DNAJA3: variants seen among roughly 807,000 people sequenced by gnomAD.
The protein encoded by DNAJA3 is DnaJ heat shock protein family (Hsp40) member A3.
Under a neutral mutation model 54.9 loss-of-function variants are expected in DNAJA3, and 29 were observed. The ratio of observed to expected loss-of-function variants is 0.53; its 90% CI spans 0.39 to 0.72. The LOEUF (loss-of-function observed/expected upper bound fraction) is 0.72. Ranked by LOEUF, DNAJA3 falls within the 30% of genes least tolerant of loss-of-function variation. The pLI is 0.00. For synonymous variants in DNAJA3, 302 were observed against 251.4 expected (o/e 1.20, Z -1.90); for missense variants, 708 against 639.4 (o/e 1.11, Z -1.16).
intron 9 of DNAJA3, chr16:4,450,161 G>T (rs773839641): frequency 4.3e-6 from 2 of 465,404 alleles, no homozygotes; most frequent in Non-Finnish European, 7.6e-6. Context: ...ACTGTATTTA[G>T]CATAGCCACA....
At chr16:4,450,947 C>T (rs151143265) in intron 10 of DNAJA3, among the ~76,000 whole-genome samples, 376 of 152,296 alleles carry the variant, frequency 2.5e-3, no homozygotes, top group African/African-American at 8.8e-3. Flanking sequence ...GCAGCCACAG[C>T]AGTGGAGCCG....
chr16:4,426,523 T>A (rs772952391), intron 1 of DNAJA3, among the ~76,000 whole-genome samples: 117 of 152,108 alleles, frequency 7.7e-4, no homozygotes, highest in African/African-American at 2.7e-3. Flanking sequence ...GAAACTGAGA[T>A]TCAACGGAGG....
chr16:4,427,387 G>C (rs1567320609), intron 1 of DNAJA3: 15 of 152,138 alleles, frequency 9.9e-5, no homozygotes, highest in Admixed American at 9.8e-4. Flanking sequence ...CTAACTTCCT[G>C]TTGCAATCCA....
intron 1 of DNAJA3, among the ~76,000 whole-genome samples, chr16:4,429,572 C>T (rs889619230): frequency 1.3e-5 from 2 of 152,128 alleles, no homozygotes; most frequent in Non-Finnish European, 2.9e-5. Context: ...TGGTGGCTCA[C>T]GCCTGTAATC....
chr16:4,448,069 G>GC (rs1567332843), intron 8 of DNAJA3: 1 of 117,640 alleles, frequency 8.5e-6, no homozygotes, highest in African/African-American at 3.3e-5. Context: ...TTGCTCTGTC[G>GC]CCAGGCTGGA....
intron 3 of DNAJA3, among the ~76,000 whole-genome samples, chr16:4,439,936 A>G (rs933779417): frequency 1.3e-5 from 2 of 152,018 alleles, no homozygotes; most frequent in Non-Finnish European, 2.9e-5. Flanking sequence ...CCTTAAGGAT[A>G]GTGCCTATTT....
At chr16:4,447,246 TGGTTAGC>T in intron 8 of DNAJA3, 1 of 520,566 alleles carries the variant, frequency 1.9e-6, no homozygotes, top group East Asian at 3.3e-5. Context: ...ACTCCCACAC[TGGTTAGC>T]GGGGCCTGGG....
At chr16:4,441,633 AT>A (rs199758268) in intron 4 of DNAJA3, 58 bp downstream of exon 4, 8 of 1,561,910 alleles carry the variant, frequency 5.1e-6, no homozygotes, top group Admixed American at 3.6e-5. Flanking sequence ...GGTCAAACAA[AT>A]TTTTTTATCA....
rs375683049 is a variant in DNAJA3, at chr16:4,450,976, C to G, written c.1339+479C>G. On this transcript the variant is annotated intron_variant, in intron 10 of 11. Transcript: ENST00000262375. ...GGAGCCGCAGTCAGCAGACTCCGTCCGCCGCTTTAGAGCAGGACTCCCTCC... is the reference window on the plus strand; with the variant it reads ...GGAGCCGCAGTCAGCAGACTCCGTCGGCCGCTTTAGAGCAGGACTCCCTCC... 9.0e-4 allele frequency among the ~76,000 whole-genome samples: 137 copies of G among 152,320 alleles called. 1 individual carries two copies. Among genetic ancestry groups the G allele is most frequent in the African/African-American group, 3.3e-3 (136 of 41,564 alleles).
chr16:4,454,342 T>A (rs981762602), intron 10 of DNAJA3, among the ~76,000 whole-genome samples: 3 of 152,228 alleles, frequency 2.0e-5, no homozygotes, highest in African/African-American at 7.2e-5. Context: ...TCAGACTGCA[T>A]GGGCTCGCAC....
At chr16:4,431,973 CA>C (rs1259504672) in intron 1 of DNAJA3, 2 of 152,054 alleles carry the variant, frequency 1.3e-5, no homozygotes, top group East Asian at 3.9e-4. Context: ...GACTCCTTAG[CA>C]TAGCTCTAAG....
In DNAJA3 at chr16:4,443,196, T is replaced by G. The variant is rs748693992; in HGVS notation, c.931+32T>G. 1.5e-5 allele frequency: 24 copies of G among 1,612,250 alleles called. No homozygotes were observed. The Middle Eastern group carries it at 5.2e-4, about 35-fold the overall frequency. On this transcript the variant is annotated intron_variant, in intron 6 of 11. Transcript: ENST00000262375. ...GCTTGGGCCCGCCATGTCCAGGAGC[T>G]TGGAGAGGGCAGACAGGGTTGAGGC...
intron 3 of DNAJA3, among the ~76,000 whole-genome samples, chr16:4,439,229 T>G (rs2056810514): frequency 1.3e-5 from 2 of 151,788 alleles, no homozygotes; most frequent in Admixed American, 1.3e-4. Flanking sequence ...GGTGTGGTGG[T>G]GGGTGCCTGT....
intron 6 of DNAJA3, among the ~76,000 whole-genome samples, chr16:4,443,438 C>G (rs1187827992): frequency 6.6e-6 from 1 of 152,138 alleles, no homozygotes; most frequent in Non-Finnish European, 1.5e-5. Flanking sequence ...CTGCTTCTTC[C>G]TGGTGAGGGA....
chr16:4,432,964 A>AC, intron 1 of DNAJA3, among the ~76,000 whole-genome samples: 1 of 150,094 alleles, frequency 6.7e-6, no homozygotes, highest in Non-Finnish European at 1.5e-5. Flanking sequence ...ACACGGCGAA[A>AC]CCCCGTCTCT....
intron 7 of DNAJA3, among the ~76,000 whole-genome samples, chr16:4,445,312 AAGGGATGCTCC>A (rs1264864668): frequency 1.3e-5 from 2 of 152,230 alleles, no homozygotes; most frequent in Admixed American, 6.5e-5. Flanking sequence ...AGCTGAACTC[AAGGGATGCTCC>A]AGGCGTTGCA....
chr16:4,437,631 TAAAAA>T (rs935979620), intron 3 of DNAJA3, 146 bp downstream of exon 3: 20 of 628,810 alleles, frequency 3.2e-5, no homozygotes, highest in African/African-American at 5.7e-5. Context: ...TTAAGAAAAA[TAAAAA>T]AAAAGAGATT....
intron 2 of DNAJA3, 76 bp downstream of exon 2, chr16:4,434,593 C>G (rs978662041): frequency 1.6e-5 from 25 of 1,531,744 alleles, no homozygotes; most frequent in Non-Finnish European, 2.1e-5. Flanking sequence ...CTGATCAGTA[C>G]AGCGTATGTG....
At chr16:4,451,631 C>T (rs1330638995) in intron 10 of DNAJA3, among the ~76,000 whole-genome samples, 3 of 151,234 alleles carry the variant, frequency 2.0e-5, no homozygotes, top group Admixed American at 6.6e-5. Flanking sequence ...GTGGTGCATG[C>T]CTGTAATCTC....
Sources: gnomAD v4.1 joint callset for allele counts (sites outside exome capture counted in the v4.1 genomes callset) on GRCh38, gnomAD v4.1.1 for gene constraint, MANE v1.5 for transcripts, NCBI Gene and HGNC (gene_info 2026-07-23, HGNC 2026-07-21) for gene names.